The following SLC24A4 variants were observed in gnomAD, a reference collection of about 807,000 sequenced individuals.
The protein encoded by SLC24A4 is sodium/potassium/calcium exchanger 4.
Under a neutral mutation model 79.0 loss-of-function variants are expected in SLC24A4, and 53 were observed. That is an observed-to-expected ratio of 0.67 (90% confidence interval 0.54 to 0.84). The LOEUF (loss-of-function observed/expected upper bound fraction) is 0.84. Among genes scored for constraint, SLC24A4 ranks in the 40% least tolerant of loss-of-function variants. SLC24A4 has a pLI of 0.00. For missense variants in SLC24A4, 731 were observed against 822.0 expected, an observed-to-expected ratio of 0.89 and a Z score of 1.35; for synonymous variants, 323 against 323.8, an observed-to-expected ratio of 1.00 and a Z score of 0.03.
At chr14:92,424,099 C>G (rs1178488590) in intron 2 of SLC24A4, among the ~76,000 whole-genome samples, 1 of 152,174 alleles carries the variant, frequency 6.6e-6, no homozygotes, top group Non-Finnish European at 1.5e-5. Context: ...CTCTGTGTGT[C>G]TCCTCCTCTT....
intron 12 of SLC24A4, among the ~76,000 whole-genome samples, chr14:92,465,328 C>G (rs10150237): frequency 0.024 from 3,663 of 152,276 alleles, 150 homozygotes; most frequent in African/African-American, 0.083. Context: ...AGTAATGGGA[C>G]AGGACAACTT....
intron 3 of SLC24A4, 143 bp from the exon 4 acceptor site, chr14:92,439,192 A>C: frequency 1.6e-6 from 1 of 642,686 alleles, no homozygotes; most frequent in South Asian, 1.8e-5. Flanking sequence ...AGGGAACGAA[A>C]TCTATGGTGC....
chr14:92,471,799 A>G lies in SLC24A4; in HGVS notation c.1256-10881A>G, dbSNP rs560544718. Among the ~76,000 whole-genome samples, 3 of 152,308 alleles carry G rather than the reference A, an allele frequency of 2.0e-5. No individual in the cohort carries two copies. The South Asian group carries it at 6.2e-4, about 32-fold the overall frequency. Reference sequence around the variant, plus strand: ...AATAGAGGGTTGGTTCCCTAAAGGAAAATTGGCATGCTGTTACCATTAAAG... The same window carrying G: ...AATAGAGGGTTGGTTCCCTAAAGGAGAATTGGCATGCTGTTACCATTAAAG... On this transcript the variant is annotated intron_variant, in intron 12 of 16. Transcript: ENST00000532405.
In SLC24A4 at chr14:92,402,737, T is replaced by G. The variant is rs534867486; in HGVS notation, c.242-31175T>G. On this transcript the variant is annotated intron_variant, in intron 2 of 16. Transcript: ENST00000532405. Reference sequence around the variant, plus strand: ...AGAGCTTGGGGAGGGAAACTCCACCTTATAAAGCCATCAGATCTTGTGAGA... The same window carrying G: ...AGAGCTTGGGGAGGGAAACTCCACCGTATAAAGCCATCAGATCTTGTGAGA... Among the ~76,000 whole-genome samples the G allele has an allele frequency of 2.0e-5, 3 of 152,194 alleles. No homozygotes were observed. The South Asian group carries it at 6.3e-4, about 32-fold the overall frequency.
chr14:92,383,012 C>T (rs1888941421), intron 2 of SLC24A4, among the ~76,000 whole-genome samples: 1 of 152,230 alleles, frequency 6.6e-6, no homozygotes, highest in African/African-American at 2.4e-5. Flanking sequence ...GCTTCAGTTC[C>T]TGATGCCCCT....
intron 12 of SLC24A4, among the ~76,000 whole-genome samples, chr14:92,474,340 C>G (rs138607222): frequency 9.8e-5 from 15 of 152,286 alleles, no homozygotes; most frequent in African/African-American, 1.7e-4. Context: ...GAGCTCTGCT[C>G]TCTTCCAGAG....
chr14:92,388,571 G>A (rs773096151), intron 2 of SLC24A4, among the ~76,000 whole-genome samples: 1 of 152,178 alleles, frequency 6.6e-6, no homozygotes, highest in South Asian at 2.1e-4. Flanking sequence ...CCTGGCTCTC[G>A]CTGTCTCTGT....
At chr14:92,374,511 C>A (rs189907639) in intron 2 of SLC24A4, among the ~76,000 whole-genome samples, 6 of 152,314 alleles carry the variant, frequency 3.9e-5, no homozygotes, top group Admixed American at 2.6e-4. Context: ...CCATGTTACT[C>A]CCAGAGCTGG....
chr14:92,484,689 A>G (rs1420632591), intron 13 of SLC24A4: 19 of 985,232 alleles, frequency 1.9e-5, no homozygotes, highest in Non-Finnish European at 2.2e-5. Context: ...GGACATGGGG[A>G]CACTTGAACA....
intron 2 of SLC24A4, among the ~76,000 whole-genome samples, chr14:92,351,978 G>C (rs765808571): frequency 6.6e-6 from 1 of 152,150 alleles, no homozygotes; most frequent in Non-Finnish European, 1.5e-5. Context: ...AGAAAGAAAG[G>C]TAGGTGAAGG....
chr14:92,362,842 G>T (rs7342564), intron 2 of SLC24A4, among the ~76,000 whole-genome samples: 2 of 152,178 alleles, frequency 1.3e-5, no homozygotes, highest in African/African-American at 4.8e-5. Flanking sequence ...CGCAGAGAGA[G>T]GCGGCAGCTC....
At chr14:92,366,629 G>C (rs1887854680) in intron 2 of SLC24A4, among the ~76,000 whole-genome samples, 1 of 152,188 alleles carries the variant, frequency 6.6e-6, no homozygotes, top group Non-Finnish European at 1.5e-5. Flanking sequence ...CTCCGCTGAG[G>C]TTTGGAGCCC....
intron 14 of SLC24A4, among the ~76,000 whole-genome samples, chr14:92,488,645 A>G (rs1466108425): frequency 6.9e-6 from 1 of 144,320 alleles, no homozygotes; most frequent in African/African-American, 2.6e-5. Context: ...TCACATTCAC[A>G]GGTTCCAGAT....
At chr14:92,337,858 T>C (rs1269143088) in intron 2 of SLC24A4, among the ~76,000 whole-genome samples, 1 of 152,188 alleles carries the variant, frequency 6.6e-6, no homozygotes, top group Admixed American at 6.5e-5. Flanking sequence ...CAAGTTTTTT[T>C]TTGCAGCTGC....
In SLC24A4 at chr14:92,474,822, CATAT is replaced by C. The variant is rs71301943; in HGVS notation, c.1256-7853_1256-7850del. Among the ~76,000 whole-genome samples the C allele has an allele frequency of 1.3e-3, 13 of 10,002 alleles. No individual in the cohort carries two copies. In the South Asian group the frequency reaches 0.038, roughly 30 times the overall value. 6.6% of individuals were successfully genotyped at this position (10,002 alleles called of 152,430 possible). On this transcript the variant is annotated intron_variant, in intron 12 of 16. Transcript: ENST00000532405. ...ATATATACATATATACATATATATACATATATATGTGTGTGTGTGTGTATATATA... is the reference window on the plus strand; with the variant it reads ...ATATATACATATATACATATATATACATATGTGTGTGTGTGTGTATATATA...
intron 1 of SLC24A4, 78 bp from the exon 2 acceptor site, chr14:92,325,790 C>A: frequency 1.2e-6 from 1 of 814,500 alleles, no homozygotes; most frequent in South Asian, 1.6e-5. Flanking sequence ...CTGACATAGA[C>A]ACACAAATGT....
intron 2 of SLC24A4, among the ~76,000 whole-genome samples, chr14:92,348,204 T>A (rs1382069142): frequency 6.6e-6 from 1 of 152,178 alleles, no homozygotes; most frequent in Non-Finnish European, 1.5e-5. Context: ...CATTTCCCTG[T>A]TTATGAGATG....
At chr14:92,343,640 C>CTTTCTTTCTT (rs1380798664) in intron 2 of SLC24A4, among the ~76,000 whole-genome samples, 29 of 95,172 alleles carry the variant, frequency 3.0e-4, no homozygotes, top group Non-Finnish European at 5.3e-4. Flanking sequence ...TTCTTTCTTT[C>CTTTCTTTCTT]TCTCTTTCCT....
At chr14:92,332,164 C>T (rs747196031) in intron 2 of SLC24A4, among the ~76,000 whole-genome samples, 14 of 152,090 alleles carry the variant, frequency 9.2e-5, no homozygotes, top group Non-Finnish European at 1.3e-4. Flanking sequence ...CACCTGTAAT[C>T]CCAGCTACTC....
Sources: gnomAD v4.1 joint callset for allele counts (sites outside exome capture counted in the v4.1 genomes callset) on GRCh38, gnomAD v4.1.1 for gene constraint, MANE v1.5 for transcripts, NCBI Gene and HGNC (gene_info 2026-07-23, HGNC 2026-07-21) for gene names.